PKHD1: variants seen among roughly 807,000 people sequenced by gnomAD.
PKHD1 encodes the protein fibrocystin.
In PKHD1, 291 loss-of-function variants were observed where a neutral mutation model predicts 412.0. The observed-to-expected ratio is 0.71, with a 90% CI of 0.64 to 0.78. The LOEUF (loss-of-function observed/expected upper bound fraction) is 0.78. PKHD1 is among the 30% of genes least tolerant of loss of function. The pLI, the probability that PKHD1 is intolerant of heterozygous loss-of-function variation, is 0.00. For missense variants in PKHD1, 4,825 were observed against 4,950.7 expected (o/e 0.97, Z 0.76); for synonymous variants, 1,777 against 1,821.5 (o/e 0.98, Z 0.62).
chr6:51,980,659 G>A lies in PKHD1; in HGVS notation c.5752-20633C>T, dbSNP rs535074264. On this transcript the variant is annotated intron_variant, in intron 35 of 66. Coordinates refer to ENST00000371117, the MANE Select transcript of PKHD1 (RefSeq NM_138694.4). ...TTTCTTACAAGGGCAAAATGTGGAC[G>A]TTTACAAGAGAAGGTAGAGAAAATG... 7.2e-5 allele frequency among the ~76,000 whole-genome samples: 11 copies of A among 152,302 alleles called. No individual in the cohort carries two copies. In the East Asian group the frequency reaches 1.2e-3, roughly 16 times the overall value.
intron 60 of PKHD1, among the ~76,000 whole-genome samples, chr6:51,732,978 T>C (rs1016732263): frequency 6.6e-6 from 1 of 152,178 alleles, no homozygotes; most frequent in South Asian, 2.1e-4. Flanking sequence ...GGATGAACCC[T>C]GAGAACATTA....
At chr6:51,868,957 C>T (rs1775518309) in intron 47 of PKHD1, among the ~76,000 whole-genome samples, 2 of 151,980 alleles carry the variant, frequency 1.3e-5, no homozygotes, top group Admixed American at 1.3e-4. Context: ...ACTAAGTACA[C>T]ATCTCCCAGT....
intron 39 of PKHD1, among the ~76,000 whole-genome samples, chr6:51,911,560 T>C (rs1187236477): frequency 1.3e-5 from 2 of 152,108 alleles, no homozygotes; most frequent in African/African-American, 4.8e-5. Context: ...CCCAGAGAAA[T>C]AATATTTTAT....
chr6:51,912,385 A>G lies in PKHD1; in HGVS notation c.6313T>C (p.Tyr2105His). The G allele has an allele frequency of 6.2e-7, 1 of 1,610,502 alleles. No homozygotes were observed. Among genetic ancestry groups the G allele is most frequent in the African/African-American group, 1.3e-5 (1 of 74,934 alleles). ...CAGTACCTCAAAGGTGACTTAAGAT[A>G]GAGGTCTGTATCCTGCACAGTTTCC... ...TVETVQDTDL[Y>H]LKSPLRYSHN... The change falls in exon 38 of 67, where the codon TAT becomes CAT. Residue 2105 changes from tyrosine to histidine, a missense_variant. Physicochemically the swap from Tyr to His is moderately conservative, Grantham distance 83. Transcript: ENST00000371117.
At chr6:51,844,687 T>C (rs914753534) in intron 50 of PKHD1, among the ~76,000 whole-genome samples, 8 of 152,082 alleles carry the variant, frequency 5.3e-5, no homozygotes, top group Non-Finnish European at 8.8e-5. Context: ...TTCTAAAACT[T>C]CCTATCCTGG....
At chr6:51,921,303 G>C (rs1430537325) in intron 37 of PKHD1, among the ~76,000 whole-genome samples, 1 of 152,144 alleles carries the variant, frequency 6.6e-6, no homozygotes, top group Admixed American at 6.6e-5. Flanking sequence ...TCTGTTGTTA[G>C]TCTGATGGGC....
chr6:51,971,155 G>C lies in PKHD1; in HGVS notation c.5752-11129C>G, dbSNP rs996641944. Among the ~76,000 whole-genome samples, 9 of 152,266 alleles carry C rather than the reference G, an allele frequency of 5.9e-5. 1 individual carries two copies. In the South Asian group the frequency reaches 1.0e-3, roughly 18 times the overall value. Reference sequence around the variant, plus strand: ...CCTCCTTGGTTAAATATATTCGTAAGTATTTTATTTGGTTTTGCATGTGCC... The same window carrying C: ...CCTCCTTGGTTAAATATATTCGTAACTATTTTATTTGGTTTTGCATGTGCC... On this transcript the variant is annotated intron_variant, in intron 35 of 66. Coordinates refer to ENST00000371117, the MANE Select transcript of PKHD1 (RefSeq NM_138694.4).
At chr6:51,899,841 A>G (rs1780924507) in intron 43 of PKHD1, among the ~76,000 whole-genome samples, 2 of 152,194 alleles carry the variant, frequency 1.3e-5, no homozygotes, top group Admixed American at 6.5e-5. Context: ...ATATCAATGT[A>G]CAAAAATCAC....
intron 16 of PKHD1, among the ~76,000 whole-genome samples, chr6:52,057,465 G>A (rs1248969776): frequency 3.9e-5 from 6 of 152,074 alleles, no homozygotes. Context: ...TCACCAGGCT[G>A]GAATGCTGTG....
In PKHD1 at chr6:51,619,376, G is replaced by A. The variant is rs761192093; in HGVS notation, c.11930C>T (p.Ser3977Phe). 2 of 1,613,996 alleles carry A rather than the reference G, an allele frequency of 1.2e-6. No individual in the cohort carries two copies. Among genetic ancestry groups the A allele is most frequent in the Non-Finnish European group, 8.5e-7 (1 of 1,179,834 alleles). ...VPAPGTTGIT[S>F]HGHICAPGAP... The stretch of plus-strand genomic sequence containing the variant: ...ACCTGGAGCACAGATGTGCCCATGG[G>A]ATGTGATGCCAGTAGTACCAGGAGC... Residue 3977 changes from serine (S) to phenylalanine (F), a missense_variant, in exon 67 of 67, where the codon TCC becomes TTC. By Grantham distance (155) the Ser-to-Phe change is radical (BLOSUM62 -2). Coordinates refer to ENST00000371117, the MANE Select transcript of PKHD1 (RefSeq NM_138694.4).
intron 36 of PKHD1, among the ~76,000 whole-genome samples, chr6:51,951,384 C>G (rs1790346247): frequency 6.6e-6 from 1 of 151,980 alleles, no homozygotes; most frequent in African/African-American, 2.4e-5. Flanking sequence ...TGTAAAAATC[C>G]CCCTAGCTAC....
At chr6:52,008,279 C>G (rs1160837081) in intron 35 of PKHD1, among the ~76,000 whole-genome samples, 1 of 152,180 alleles carries the variant, frequency 6.6e-6, no homozygotes, top group Non-Finnish European at 1.5e-5. Flanking sequence ...TAACTCATCT[C>G]TGAAATGAAC....
At chr6:51,655,388 C>T (rs565641410) in intron 61 of PKHD1, among the ~76,000 whole-genome samples, 1 of 152,078 alleles carries the variant, frequency 6.6e-6, no homozygotes, top group Non-Finnish European at 1.5e-5. Flanking sequence ...TCCTGGTTTT[C>T]TTCTCTATTC....
chr6:52,061,522 C>T (rs116552261), intron 14 of PKHD1, among the ~76,000 whole-genome samples: 2,961 of 152,188 alleles, frequency 0.019, 93 homozygotes, highest in African/African-American at 0.067. Context: ...GTAAGTAAGG[C>T]TTCAGGAGAC....
intron 46 of PKHD1, among the ~76,000 whole-genome samples, chr6:51,873,001 T>C (rs1233476621): frequency 6.8e-6 from 1 of 146,996 alleles, no homozygotes; most frequent in African/African-American, 2.5e-5. Context: ...TAGACAGACA[T>C]GAAGGAAATC....
At chr6:51,959,321 C>T (rs984899641) in intron 36 of PKHD1, among the ~76,000 whole-genome samples, 2 of 152,108 alleles carry the variant, frequency 1.3e-5, no homozygotes, top group Non-Finnish European at 1.5e-5. Context: ...AAATAACTGA[C>T]TTAGCCATTT....
chr6:51,964,052 AC>A (rs1222527694), intron 35 of PKHD1, among the ~76,000 whole-genome samples: 1 of 151,934 alleles, frequency 6.6e-6, no homozygotes, highest in Non-Finnish European at 1.5e-5. Context: ...CCCCAAATAA[AC>A]CCCAAAAAAA....
chr6:51,654,080 G>C, intron 61 of PKHD1, among the ~76,000 whole-genome samples: 1 of 152,080 alleles, frequency 6.6e-6, no homozygotes, highest in East Asian at 1.9e-4. Context: ...TAGAATAGTA[G>C]AAAAGTAAAA....
At chr6:51,896,031 T>A (rs1253229210) in intron 43 of PKHD1, among the ~76,000 whole-genome samples, 1 of 152,184 alleles carries the variant, frequency 6.6e-6, no homozygotes, top group African/African-American at 2.4e-5. Context: ...CCACGGAGTC[T>A]CGCTGATTGC....
Sources: allele counts gnomAD v4.1 joint callset (sites outside exome capture counted in the v4.1 genomes callset), GRCh38; gene constraint gnomAD v4.1.1; transcripts MANE v1.5; gene names NCBI Gene and HGNC (gene_info 2026-07-23, HGNC 2026-07-21).